Variants in MAN1A1 observed in about 807,000 individuals in gnomAD.
MAN1A1 encodes the protein mannosidase alpha class 1A member 1.
In MAN1A1, 29 loss-of-function variants were observed where a neutral mutation model predicts 70.8. The observed-to-expected ratio is 0.41, with a 90% confidence interval of 0.31 to 0.56. The LOEUF is 0.56. Among genes scored for constraint, MAN1A1 ranks in the 20% least tolerant of loss-of-function variants. The pLI, the probability that MAN1A1 is intolerant of heterozygous loss-of-function variation, is 0.29. For synonymous variants in MAN1A1, 349 were observed against 330.1 expected, an observed-to-expected ratio of 1.06 and a Z score of -0.62; for missense variants, 747 against 841.3, an observed-to-expected ratio of 0.89 and a Z score of 1.39.
chr6:119,178,338 C>A lies in MAN1A1; in HGVS notation c.*1481G>T, dbSNP rs2114919047. The A allele has an allele frequency of 6.6e-6, 1 of 152,184 alleles. No homozygotes were observed. Among genetic ancestry groups the A allele is most frequent in the South Asian group, 2.1e-4 (1 of 4,830 alleles). The allele number at this position is 152,184 out of a possible 1,614,324, so 9.4% of individuals were successfully genotyped here. On this transcript the variant is annotated 3_prime_UTR_variant, in exon 13 of 13. Coordinates refer to ENST00000368468, the MANE Select transcript of MAN1A1 (RefSeq NM_005907.4). ...TTTTAAACTACAAATGCAGCAATTT[C>A]ATATGTTTCAGCCTAATCCATGGGG...
At chr6:119,285,274 G>A (rs529067056) in intron 5 of MAN1A1, among the ~76,000 whole-genome samples, 12 of 151,764 alleles carry the variant, frequency 7.9e-5, no homozygotes, top group Non-Finnish European at 1.2e-4. Context: ...CACCATGTCC[G>A]GCCAGATTCT....
chr6:119,221,472 C>CTTTTTTT (rs5879491), intron 6 of MAN1A1, among the ~76,000 whole-genome samples: 2 of 130,374 alleles, frequency 1.5e-5, no homozygotes, highest in Non-Finnish European at 1.6e-5. Context: ...ATTTTCTTTT[C>CTTTTTTT]TTTTTTTTTT....
intron 2 of MAN1A1, among the ~76,000 whole-genome samples, chr6:119,322,538 T>G (rs1274100473): frequency 6.6e-6 from 1 of 152,324 alleles, no homozygotes; most frequent in African/African-American, 2.4e-5. Flanking sequence ...TGCCACTATG[T>G]ACACCGAAAC....
intron 6 of MAN1A1, among the ~76,000 whole-genome samples, chr6:119,210,163 C>T (rs1028327): frequency 0.37 from 55,744 of 151,908 alleles, 10,742 homozygotes; most frequent in Non-Finnish European, 0.39. Flanking sequence ...ACAAAGATGG[C>T]GAGAGGCACT....
chr6:119,180,858 G>C (rs953733117), intron 11 of MAN1A1, among the ~76,000 whole-genome samples: 2 of 151,808 alleles, frequency 1.3e-5, no homozygotes, highest in Admixed American at 1.3e-4. Flanking sequence ...ATGAAAGTTT[G>C]TTATAGAGTT....
At chr6:119,241,845 C>T (rs183478193) in intron 6 of MAN1A1, among the ~76,000 whole-genome samples, 8 of 151,834 alleles carry the variant, frequency 5.3e-5, no homozygotes, top group Non-Finnish European at 7.4e-5. Flanking sequence ...GAATTTTATC[C>T]CCAAACCAAT....
intron 5 of MAN1A1, among the ~76,000 whole-genome samples, chr6:119,258,668 C>T (rs755996544): frequency 6.6e-6 from 1 of 152,158 alleles, no homozygotes; most frequent in Non-Finnish European, 1.5e-5. Flanking sequence ...AAGCATTCTA[C>T]ACTAGTGAAT....
intron 3 of MAN1A1, 146 bp downstream of exon 3, chr6:119,306,750 C>T (rs1755290117): frequency 3.0e-6 from 2 of 657,098 alleles, no homozygotes; most frequent in Non-Finnish European, 5.5e-6. Context: ...ACACTATGCA[C>T]AATCCTTATC....
chr6:119,238,949 G>A (rs940907057), intron 6 of MAN1A1, among the ~76,000 whole-genome samples: 5 of 152,000 alleles, frequency 3.3e-5, no homozygotes, highest in African/African-American at 1.2e-4. Context: ...GGAGTGCAGT[G>A]GCGGGATCTC....
chr6:119,212,007 AT>A (rs981599231), intron 6 of MAN1A1, among the ~76,000 whole-genome samples: 1 of 151,574 alleles, frequency 6.6e-6, no homozygotes, highest in Non-Finnish European at 1.5e-5. Flanking sequence ...TGCCTGGCTA[AT>A]TTTTTGTATT....
chr6:119,190,892 C>A lies in MAN1A1; in HGVS notation c.1327-1009G>T, dbSNP rs531696281. Among the ~76,000 whole-genome samples the A allele has an allele frequency of 4.6e-5, 7 of 152,232 alleles. No homozygotes were observed. In the South Asian group the frequency reaches 1.5e-3, roughly 32 times the overall value. ...TAACAGAAAATGTTCTCCCCACTGC[C>A]CCACAATTACTTCATGGAAGGAAAA... On this transcript the variant is annotated intron_variant, in intron 9 of 12. Coordinates refer to ENST00000368468, the MANE Select transcript of MAN1A1 (RefSeq NM_005907.4).
Position 119,222,121 on chromosome 6 carries a change from A to G in MAN1A1, c.993-17239T>C, listed in dbSNP as rs144073063. Among the ~76,000 whole-genome samples, 96 of 152,214 alleles carry G rather than the reference A, an allele frequency of 6.3e-4. 1 individual carries two copies. In the East Asian group the frequency reaches 0.016, roughly 25 times the overall value. On this transcript the variant is annotated intron_variant, in intron 6 of 12. Coordinates refer to ENST00000368468, the MANE Select transcript of MAN1A1 (RefSeq NM_005907.4). ...TGACCTAGTATGTTGTCCATATTCA[A>G]ACTTCCCCAACTGACTTCAAAATGT...
chr6:119,301,134 C>T (rs923555075), intron 4 of MAN1A1, among the ~76,000 whole-genome samples: 13 of 152,240 alleles, frequency 8.5e-5, no homozygotes, highest in Admixed American at 4.6e-4. Context: ...AATGCTTACC[C>T]GAAAGACAAG....
chr6:119,271,136 GA>G (rs1402942150), intron 5 of MAN1A1, among the ~76,000 whole-genome samples: 1 of 152,126 alleles, frequency 6.6e-6, no homozygotes, highest in Non-Finnish European at 1.5e-5. Flanking sequence ...TCACTGGAAG[GA>G]GTCATTGTGT....
chr6:119,204,121 G>A (rs895825183), intron 7 of MAN1A1, among the ~76,000 whole-genome samples: 1 of 152,142 alleles, frequency 6.6e-6, no homozygotes, highest in Non-Finnish European at 1.5e-5. Context: ...TGACTGTGTC[G>A]AATGCTAAGA....
intron 11 of MAN1A1, 62 bp from the exon 12 acceptor site, chr6:119,180,489 T>C (rs978014409): frequency 2.4e-5 from 21 of 875,310 alleles, no homozygotes; most frequent in Middle Eastern, 2.2e-4. Context: ...CACTAATTTT[T>C]ATTATTAGAT....
chr6:119,295,321 G>A (rs1046141990), intron 4 of MAN1A1, among the ~76,000 whole-genome samples: 1 of 152,044 alleles, frequency 6.6e-6, no homozygotes, highest in Non-Finnish European at 1.5e-5. Flanking sequence ...ATACGATGAC[G>A]TATTTTAATA....
intron 11 of MAN1A1, among the ~76,000 whole-genome samples, chr6:119,188,025 T>A (rs944912710): frequency 6.6e-6 from 1 of 152,228 alleles, no homozygotes; most frequent in Non-Finnish European, 1.5e-5. Flanking sequence ...ACTAGCATTT[T>A]AAAGCCCAAA....
intron 2 of MAN1A1, among the ~76,000 whole-genome samples, chr6:119,321,694 C>T (rs528672945): frequency 1.3e-5 from 2 of 151,004 alleles, no homozygotes; most frequent in East Asian, 2.0e-4. Flanking sequence ...CTCAGCTCAC[C>T]GCAGCCTCAA....
Sources: allele counts gnomAD v4.1 joint callset (sites outside exome capture counted in the v4.1 genomes callset), GRCh38; gene constraint gnomAD v4.1.1; transcripts MANE v1.5; gene names NCBI Gene and HGNC (gene_info 2026-07-23, HGNC 2026-07-21).